The following CDH13 variants were observed in gnomAD, a reference collection of about 807,000 sequenced individuals.
The protein encoded by CDH13 is cadherin-13.
In CDH13, 24 loss-of-function variants were observed where a neutral mutation model predicts 63.8. That is an observed-to-expected ratio of 0.38 (90% confidence interval 0.27 to 0.53). The LOEUF (loss-of-function observed/expected upper bound fraction) is 0.53, where lower values mean the gene tolerates loss of function less well. Among genes scored for constraint, CDH13 ranks in the 20% least tolerant of loss-of-function variants. CDH13 has a pLI of 0.85. For missense variants in CDH13, 1,049 were observed against 903.1 expected, an observed-to-expected ratio of 1.16 and a Z score of -2.07; for synonymous variants, 503 against 355.3, an observed-to-expected ratio of 1.42 and a Z score of -4.67.
At chr16:83,358,242 C>T (rs1424502397) in intron 6 of CDH13, among the ~76,000 whole-genome samples, 2 of 152,082 alleles carry the variant, frequency 1.3e-5, no homozygotes, top group Admixed American at 6.5e-5. Context: ...TGTTAGACTT[C>T]TAGGATGGAT....
In CDH13 at chr16:82,932,705, T is replaced by A. The variant is rs148762214; in HGVS notation, c.157+74232T>A. ...CTTTAGGTTTTCAATGAAAATATGATGAGTTGAAACATTTGATATGCTGAT... is the reference window on the plus strand; with the variant it reads ...CTTTAGGTTTTCAATGAAAATATGAAGAGTTGAAACATTTGATATGCTGAT... On this transcript the variant is annotated intron_variant, in intron 2 of 13. Coordinates refer to ENST00000567109, the MANE Select transcript of CDH13 (RefSeq NM_001257.5). 4.6e-5 allele frequency among the ~76,000 whole-genome samples: 7 copies of A among 152,342 alleles called. No individual in the cohort carries two copies. The East Asian group carries it at 1.2e-3, about 25-fold the overall frequency.
At chr16:83,377,360 T>A (rs1043617035) in intron 6 of CDH13, among the ~76,000 whole-genome samples, 1 of 152,138 alleles carries the variant, frequency 6.6e-6, no homozygotes, top group African/African-American at 2.4e-5. Flanking sequence ...AAAAGCCTGG[T>A]CCATCTCTTC....
chr16:83,190,523 T>C (rs2038665226), intron 4 of CDH13, among the ~76,000 whole-genome samples: 1 of 152,212 alleles, frequency 6.6e-6, no homozygotes, highest in African/African-American at 2.4e-5. Flanking sequence ...TATGCCCCCA[T>C]ACTGTTCTAG....
At chr16:82,834,191 C>A (rs2038666179) in intron 1 of CDH13, among the ~76,000 whole-genome samples, 1 of 152,152 alleles carries the variant, frequency 6.6e-6, no homozygotes, top group African/African-American at 2.4e-5. Flanking sequence ...TTTCTTCTCA[C>A]CAGATAGGCT....
intron 4 of CDH13, among the ~76,000 whole-genome samples, chr16:83,163,265 T>A (rs12103103): frequency 6.6e-6 from 1 of 151,902 alleles, no homozygotes; most frequent in Non-Finnish European, 1.5e-5. Context: ...TTATCAGTAG[T>A]GCAAAAAATG....
intron 4 of CDH13, among the ~76,000 whole-genome samples, chr16:83,184,882 CGTGTGT>C (rs71272419): frequency 2.8e-5 from 4 of 145,408 alleles, no homozygotes; most frequent in Middle Eastern, 3.6e-3. Context: ...ATGTCTAAGC[CGTGTGT>C]GTGTGTGTGT....
chr16:83,522,544 A>G (rs2074865618), intron 7 of CDH13, among the ~76,000 whole-genome samples: 1 of 152,244 alleles, frequency 6.6e-6, no homozygotes, highest in Admixed American at 6.5e-5. Flanking sequence ...TTTGAGTTAC[A>G]GGAAAACAAA....
chr16:82,967,441 C>T (rs573565767), intron 2 of CDH13, among the ~76,000 whole-genome samples: 26 of 152,256 alleles, frequency 1.7e-4, no homozygotes, highest in African/African-American at 5.1e-4. Flanking sequence ...TATTTGCGCC[C>T]GCTGAATCCT....
At chr16:83,711,748 C>T (rs1908086369) in intron 10 of CDH13, among the ~76,000 whole-genome samples, 1 of 152,178 alleles carries the variant, frequency 6.6e-6, no homozygotes, top group Non-Finnish European at 1.5e-5. Flanking sequence ...AACTCCTGAC[C>T]TTAAATGATC....
intron 5 of CDH13, among the ~76,000 whole-genome samples, chr16:83,229,032 A>G (rs558273895): frequency 6.6e-6 from 1 of 152,220 alleles, no homozygotes; most frequent in East Asian, 1.9e-4. Flanking sequence ...TTGGGATGAA[A>G]AGAGTAGCAG....
chr16:82,808,005 C>T (rs1242853084), intron 1 of CDH13, among the ~76,000 whole-genome samples: 1 of 152,088 alleles, frequency 6.6e-6, no homozygotes, highest in Non-Finnish European at 1.5e-5. Flanking sequence ...CAGTATTTCT[C>T]CAGCGCAGTT....
At chr16:83,125,851 G>A (rs1042531220) in intron 4 of CDH13, among the ~76,000 whole-genome samples, 2 of 152,104 alleles carry the variant, frequency 1.3e-5, no homozygotes, top group African/African-American at 2.4e-5. Context: ...TTGACATGTG[G>A]CCTTCACTGA....
intron 4 of CDH13, among the ~76,000 whole-genome samples, chr16:83,180,301 T>C (rs555916581): frequency 1.3e-5 from 2 of 152,166 alleles, no homozygotes; most frequent in Non-Finnish European, 2.9e-5. Flanking sequence ...TAAATGCAAA[T>C]GAAAAAATCA....
At chr16:83,521,160 C>A (rs1337535931) in intron 7 of CDH13, among the ~76,000 whole-genome samples, 1 of 152,136 alleles carries the variant, frequency 6.6e-6, no homozygotes, top group Non-Finnish European at 1.5e-5. Flanking sequence ...ACTTTGCTAA[C>A]ACGTTTTAAA....
At chr16:82,898,828 T>C (rs1435583517) in intron 2 of CDH13, among the ~76,000 whole-genome samples, 1 of 152,056 alleles carries the variant, frequency 6.6e-6, no homozygotes, top group African/African-American at 2.4e-5. Context: ...TTGTCTCAAG[T>C]TGGGTTTTCT....
intron 1 of CDH13, among the ~76,000 whole-genome samples, chr16:82,788,113 A>G (rs2036110574): frequency 6.6e-6 from 1 of 152,150 alleles, no homozygotes; most frequent in Non-Finnish European, 1.5e-5. Context: ...CCACATAAAC[A>G]TGAAATGTGT....
chr16:83,191,460 T>TATAG (rs749021673), intron 4 of CDH13, among the ~76,000 whole-genome samples: 754 of 69,508 alleles, frequency 0.011, 15 homozygotes, highest in African/African-American at 0.037. Context: ...TAATAGGAAA[T>TATAG]ATATATATAT....
chr16:83,257,571 C>A (rs1159444134), intron 5 of CDH13, among the ~76,000 whole-genome samples: 1 of 152,204 alleles, frequency 6.6e-6, no homozygotes, highest in African/African-American at 2.4e-5. Context: ...TCCAGTGAGG[C>A]TGCACACCAG....
At chr16:83,207,775 A>G (rs2039226184) in intron 4 of CDH13, among the ~76,000 whole-genome samples, 1 of 150,628 alleles carries the variant, frequency 6.6e-6, no homozygotes, top group Non-Finnish European at 1.5e-5. Flanking sequence ...AAAAAAAAAA[A>G]AAAGACTGAA....
Sources: allele counts gnomAD v4.1 joint callset (sites outside exome capture counted in the v4.1 genomes callset), GRCh38; gene constraint gnomAD v4.1.1; transcripts MANE v1.5; gene names NCBI Gene and HGNC (gene_info 2026-07-23, HGNC 2026-07-21).